RBMS3: variants seen among roughly 807,000 people sequenced by gnomAD.
RBMS3 encodes RNA-binding motif, single-stranded-interacting protein 3.
A neutral mutation model predicts 66.8 loss-of-function variants in RBMS3; 27 were observed. The ratio of observed to expected loss-of-function variants is 0.40; its 90% CI spans 0.30 to 0.56. The LOEUF (loss-of-function observed/expected upper bound fraction) is 0.56. Ranked by LOEUF, RBMS3 falls within the 20% of genes least tolerant of loss-of-function variation. RBMS3 has a pLI of 0.40. For synonymous variants in RBMS3, 188 were observed against 183.0 expected, an observed-to-expected ratio of 1.03 and a Z score of -0.22; for missense variants, 513 against 549.5, an observed-to-expected ratio of 0.93 and a Z score of 0.66.
At chr3:29,298,808 T>A (rs2033468574) in intron 1 of RBMS3, among the ~76,000 whole-genome samples, 1 of 151,954 alleles carries the variant, frequency 6.6e-6, no homozygotes, top group African/African-American at 2.4e-5. Context: ...ATCTACTCAT[T>A]ATGTATCCTA....
intron 11 of RBMS3, among the ~76,000 whole-genome samples, chr3:29,943,754 C>T (rs1312222947): frequency 6.6e-6 from 1 of 151,726 alleles, no homozygotes; most frequent in African/African-American, 2.4e-5. Flanking sequence ...ATGTGTTAGC[C>T]TCCATAGAAT....
At chr3:29,906,615 AT>A (rs1248050927) in intron 10 of RBMS3, among the ~76,000 whole-genome samples, 2 of 152,258 alleles carry the variant, frequency 1.3e-5, no homozygotes, top group East Asian at 3.9e-4. Flanking sequence ...GTGTATAAAA[AT>A]GTATATACTA....
intron 1 of RBMS3, among the ~76,000 whole-genome samples, chr3:29,431,301 CTTT>C (rs548031550): frequency 7.6e-6 from 1 of 132,398 alleles, no homozygotes. Context: ...TTTTCCTTTT[CTTT>C]TTTTTTTTTG....
At chr3:29,352,089 C>T (rs757761555) in intron 1 of RBMS3, among the ~76,000 whole-genome samples, 1 of 151,894 alleles carries the variant, frequency 6.6e-6, no homozygotes, top group Non-Finnish European at 1.5e-5. Context: ...TTTACATTTG[C>T]TATAGATCTA....
intron 3 of RBMS3, among the ~76,000 whole-genome samples, chr3:29,585,948 A>G (rs1179242317): frequency 6.6e-6 from 1 of 152,138 alleles, no homozygotes; most frequent in Non-Finnish European, 1.5e-5. Flanking sequence ...GGAAAAAATT[A>G]AAAAGTTAAT....
At chr3:29,843,786 T>C (rs747751157) in intron 6 of RBMS3, among the ~76,000 whole-genome samples, 6 of 151,900 alleles carry the variant, frequency 3.9e-5, no homozygotes, top group Non-Finnish European at 7.4e-5. Flanking sequence ...CCATCTCTAC[T>C]AAAAATACAA....
At chr3:29,972,022 A>G (rs1035813262) in intron 12 of RBMS3, among the ~76,000 whole-genome samples, 2 of 152,188 alleles carry the variant, frequency 1.3e-5, no homozygotes, top group Non-Finnish European at 2.9e-5. Flanking sequence ...AATGATTTTA[A>G]GAATTGAATG....
intron 12 of RBMS3, among the ~76,000 whole-genome samples, chr3:29,955,322 A>G (rs1158508109): frequency 6.6e-6 from 1 of 152,038 alleles, no homozygotes; most frequent in African/African-American, 2.4e-5. Flanking sequence ...ATTTCAGCTG[A>G]TAGTTTAAAC....
rs537939637 is a variant in RBMS3, at chr3:29,574,043, G to A, written c.308-13071G>A. ...AAAATTGTGTATTCTGTTGTCTCTG[G>A]ATGAAATGTTTTGTAAATATCTATT... On this transcript the variant is annotated intron_variant, in intron 3 of 14. Transcript: ENST00000383767. 6.6e-5 allele frequency among the ~76,000 whole-genome samples: 10 copies of A among 152,216 alleles called. 1 individual carries two copies. In the South Asian group the frequency reaches 2.1e-3, roughly 32 times the overall value.
At chr3:29,924,967 T>C (rs1365500069) in intron 10 of RBMS3, 1 of 152,126 alleles carries the variant, frequency 6.6e-6, no homozygotes, top group East Asian at 1.9e-4. Context: ...CAAGATGACT[T>C]AGGAGTTTCT....
intron 14 of RBMS3, among the ~76,000 whole-genome samples, chr3:29,998,414 A>G (rs1284143265): frequency 2.0e-5 from 3 of 152,052 alleles, no homozygotes; most frequent in Non-Finnish European, 4.4e-5. Flanking sequence ...GGAAAAAACT[A>G]CTTTAAAGTT....
At chr3:29,290,978 T>C (rs2032760619) in intron 1 of RBMS3, among the ~76,000 whole-genome samples, 1 of 151,924 alleles carries the variant, frequency 6.6e-6, no homozygotes, top group Non-Finnish European at 1.5e-5. Flanking sequence ...TGTGTCCAAG[T>C]AAATTTAACT....
At chr3:29,631,196 G>A (rs2049269756) in intron 4 of RBMS3, among the ~76,000 whole-genome samples, 1 of 151,858 alleles carries the variant, frequency 6.6e-6, no homozygotes, top group Non-Finnish European at 1.5e-5. Flanking sequence ...CTTAAATAAT[G>A]TGAATATATG....
At chr3:29,636,545 T>C (rs1410343389) in intron 4 of RBMS3, among the ~76,000 whole-genome samples, 1 of 151,940 alleles carries the variant, frequency 6.6e-6, no homozygotes, top group East Asian at 1.9e-4. Flanking sequence ...TCTTGTTTTG[T>C]TTTGGCTTTT....
At chr3:29,603,904 C>T (rs974210710) in intron 4 of RBMS3, among the ~76,000 whole-genome samples, 1 of 151,902 alleles carries the variant, frequency 6.6e-6, no homozygotes, top group African/African-American at 2.4e-5. Context: ...GTAGTGGTCA[C>T]AATTAGGGCA....
chr3:29,360,118 A>C (rs1232073141), intron 1 of RBMS3, among the ~76,000 whole-genome samples: 1 of 151,846 alleles, frequency 6.6e-6, no homozygotes, highest in Non-Finnish European at 1.5e-5. Context: ...TTGTTTCTCT[A>C]GTTCTTTTCA....
chr3:29,333,690 G>A (rs565082288), intron 1 of RBMS3, among the ~76,000 whole-genome samples: 48 of 152,244 alleles, frequency 3.2e-4, no homozygotes, highest in Non-Finnish European at 6.0e-4. Flanking sequence ...AAGTTGAGTC[G>A]CTGTGTCTCC....
intron 1 of RBMS3, among the ~76,000 whole-genome samples, chr3:29,326,884 C>G (rs9830296): frequency 0.13 from 19,973 of 151,988 alleles, 1,396 homozygotes; most frequent in Middle Eastern, 0.17. Context: ...ACGTGCACCA[C>G]CACGCCCAGC....
At position 29,703,284 on chromosome 3, in the gene RBMS3, T is replaced by C. The variant is rs528976875; in HGVS notation, c.400-36436T>C. 2.0e-5 allele frequency among the ~76,000 whole-genome samples: 3 copies of C among 152,344 alleles called. No individual in the cohort carries two copies. The South Asian group carries it at 6.2e-4, about 32-fold the overall frequency. On this transcript the variant is annotated intron_variant, in intron 4 of 14. Transcript: ENST00000383767. The stretch of plus-strand genomic sequence containing the variant: ...TCCATGGAAACTATGATGAAGACAG[T>C]AGGTATAAACCTTTTGCTTGAAGTT...
Sources: allele counts gnomAD v4.1 joint callset (sites outside exome capture counted in the v4.1 genomes callset), GRCh38; gene constraint gnomAD v4.1.1; transcripts MANE v1.5; gene names NCBI Gene and HGNC (gene_info 2026-07-23, HGNC 2026-07-21).